RAD51B: variants seen among roughly 807,000 people sequenced by gnomAD.
RAD51B encodes DNA repair protein RAD51 homolog 2.
RAD51B carries 38 observed loss-of-function variants against 42.2 expected under a neutral mutation model. That is an observed-to-expected ratio of 0.90 (90% CI 0.70 to 1.18). RAD51B has a LOEUF of 1.18. RAD51B is among the 50% of genes most tolerant of loss of function. The probability of loss-of-function intolerance (pLI) is 0.00; values close to 1 mark genes in which losing one functional copy is unlikely to be tolerated. For synonymous variants in RAD51B, 154 were observed against 145.2 expected (o/e 1.06, Z -0.43); for missense variants, 373 against 400.7 (o/e 0.93, Z 0.59).
At chr14:68,206,126 C>A (rs951793469) in intron 7 of RAD51B, among the ~76,000 whole-genome samples, 3 of 152,002 alleles carry the variant, frequency 2.0e-5, no homozygotes, top group African/African-American at 7.3e-5. Flanking sequence ...GAATTTAAGC[C>A]CCCCCTCTTG....
At chr14:68,027,361 G>C (rs1367727757) in intron 7 of RAD51B, among the ~76,000 whole-genome samples, 2 of 152,022 alleles carry the variant, frequency 1.3e-5, no homozygotes, top group Non-Finnish European at 2.9e-5. Context: ...GAGCTTCTCT[G>C]TATTTCTTGA....
chr14:67,899,936 G>T (rs2043553035), intron 7 of RAD51B, among the ~76,000 whole-genome samples: 4 of 152,306 alleles, frequency 2.6e-5, no homozygotes, highest in Admixed American at 1.3e-4. Context: ...CAATGCATGT[G>T]TTCTTATTCA....
chr14:68,599,833 T>G (rs1891147409), downstream of RAD51B, among the ~76,000 whole-genome samples: 1 of 152,240 alleles, frequency 6.6e-6, no homozygotes, highest in Non-Finnish European at 1.5e-5. Flanking sequence ...TCCTTCCTCC[T>G]TTCGGAACCA....
intron 7 of RAD51B, among the ~76,000 whole-genome samples, chr14:68,209,159 T>A (rs1366180396): frequency 6.6e-6 from 1 of 152,224 alleles, no homozygotes; most frequent in Admixed American, 6.5e-5. Context: ...AATGGTATAT[T>A]TTTTTCTTTT....
At chr14:68,648,115 A>ATATATACGTGTG (rs1566963581) in intron 10 of RAD51B, among the ~76,000 whole-genome samples, 14 of 81,230 alleles carry the variant, frequency 1.7e-4, no homozygotes, top group East Asian at 5.5e-4. Context: ...ACACACACGT[A>ATATATACGTGTG]TATATATATA....
chr14:67,925,154 G>A (rs1331323034), intron 7 of RAD51B, among the ~76,000 whole-genome samples: 2 of 152,142 alleles, frequency 1.3e-5, no homozygotes, highest in Non-Finnish European at 2.9e-5. Flanking sequence ...CATGGTCTTG[G>A]GCAGCTATGC....
intron 10 of RAD51B, among the ~76,000 whole-genome samples, chr14:68,641,750 A>C (rs183510302): frequency 3.9e-5 from 6 of 152,078 alleles, no homozygotes. Flanking sequence ...ATACAGAGAC[A>C]GGGTTTCACT....
chr14:68,195,213 C>T (rs552975290), intron 7 of RAD51B, among the ~76,000 whole-genome samples: 4 of 152,276 alleles, frequency 2.6e-5, no homozygotes, highest in African/African-American at 9.6e-5. Context: ...CATCTTTACT[C>T]ATTTGTTCAC....
At chr14:68,605,390 C>T (rs1407205383) in intron 10 of RAD51B, among the ~76,000 whole-genome samples, 1 of 152,234 alleles carries the variant, frequency 6.6e-6, no homozygotes, top group Non-Finnish European at 1.5e-5. Context: ...TGAGAGTACA[C>T]TCGAACAAAG....
At chr14:68,440,719 C>T (rs999614022) in intron 9 of RAD51B, among the ~76,000 whole-genome samples, 3 of 151,512 alleles carry the variant, frequency 2.0e-5, no homozygotes, top group Non-Finnish European at 4.4e-5. Context: ...GCATTCCAGC[C>T]TGGGCAACAA....
intron 10 of RAD51B, chr14:68,540,195 TACA>T: frequency 1.5e-6 from 1 of 687,060 alleles, no homozygotes; most frequent in Non-Finnish European, 1.7e-6. Flanking sequence ...TTTTTTTAAA[TACA>T]GGATCTAGAG....
At chr14:67,988,383 T>G (rs928745743) in intron 7 of RAD51B, among the ~76,000 whole-genome samples, 1 of 151,940 alleles carries the variant, frequency 6.6e-6, no homozygotes, top group African/African-American at 2.4e-5. Context: ...TGCTTGAACA[T>G]GGTAAGCGGA....
rs188983392 is a variant in RAD51B at position 68,368,368 on chromosome 14, C to G, written c.854-43056C>G. Among the ~76,000 whole-genome samples the G allele has an allele frequency of 3.3e-5, 5 of 152,320 alleles. No homozygotes were observed. The East Asian group carries it at 9.6e-4, about 29-fold the overall frequency. On this transcript the variant is annotated intron_variant, in intron 8 of 10. Coordinates refer to ENST00000471583, the MANE Select transcript of RAD51B (RefSeq NM_133510.4). The stretch of plus-strand genomic sequence containing the variant: ...ATTCTCCCACCGGTCATAGCTAAGT[C>G]TTCAAGCTAATGTTCACCTGCCAGA...
At chr14:68,338,582 G>A (rs923819115) in intron 8 of RAD51B, 1 of 269,134 alleles carries the variant, frequency 3.7e-6, no homozygotes, top group Non-Finnish European at 7.2e-6. Context: ...TGGCTGCCAA[G>A]GGCCCACCCA....
intron 9 of RAD51B, chr14:68,422,141 T>G (rs1165522475): frequency 7.2e-7 from 1 of 1,387,920 alleles, no homozygotes; most frequent in Admixed American, 1.7e-5. Context: ...GAAGGAGACA[T>G]GGCCCAAGGG....
rs141910302 is a variant in RAD51B, at chr14:68,167,086, A to G, written c.757-124798A>G. On this transcript the variant is annotated intron_variant, in intron 7 of 10. Transcript: ENST00000471583. ...TTAACCTTTACAAAATGCAAATCAT[A>G]GAATATTACTGTCTCATTTTAAAAA... 1.1e-3 allele frequency among the ~76,000 whole-genome samples: 175 copies of G among 152,310 alleles called. 4 individuals carry two copies. The East Asian group carries it at 0.027, about 23-fold the overall frequency.
chr14:68,676,164 G>T (rs572790814), intron 11 of RAD51B, among the ~76,000 whole-genome samples: 2 of 152,058 alleles, frequency 1.3e-5, no homozygotes, highest in Non-Finnish European at 2.9e-5. Context: ...CAACTCAAAC[G>T]CATGAGTTCA....
Position 68,490,527 on chromosome 14 carries a change from T to C in RAD51B, c.1036+22277T>C, listed in dbSNP as rs148660661. ...TTTGAAAAGATTCTCTAAGACATAT[T>C]GCCCCATTTCTCAACATCAACTATT... is the stretch of plus-strand genomic sequence containing the variant. On this transcript the variant is annotated intron_variant, in intron 10 of 10. Transcript: ENST00000487270. 3.3e-3 allele frequency among the ~76,000 whole-genome samples: 502 copies of C among 152,352 alleles called. 7 individuals are homozygous for C. Among genetic ancestry groups the C allele is most frequent in the African/African-American group, 0.011 (454 of 41,582 alleles).
chr14:68,285,982 T>G (rs1291376332), intron 7 of RAD51B, among the ~76,000 whole-genome samples: 2 of 152,186 alleles, frequency 1.3e-5, no homozygotes, highest in Non-Finnish European at 2.9e-5. Flanking sequence ...ATTAGCAGAG[T>G]CTGAAAAGAC....
Sources: allele counts gnomAD v4.1 joint callset (sites outside exome capture counted in the v4.1 genomes callset), GRCh38; gene constraint gnomAD v4.1.1; transcripts MANE v1.5; gene names NCBI Gene and HGNC (gene_info 2026-07-23, HGNC 2026-07-21).